RHOBTB1: variants seen among roughly 807,000 people sequenced by gnomAD.
RHOBTB1 encodes the protein Rho related BTB domain containing 1.
Under a neutral mutation model 71.6 loss-of-function variants are expected in RHOBTB1, and 40 were observed. That is an observed-to-expected ratio of 0.56 (90% CI 0.43 to 0.73). The LOEUF (loss-of-function observed/expected upper bound fraction) is 0.73, where lower values mean the gene tolerates loss of function less well. Ranked by LOEUF, RHOBTB1 falls within the 30% of genes least tolerant of loss-of-function variation. The pLI is 0.00. For synonymous variants in RHOBTB1, 319 were observed against 334.9 expected (o/e 0.95, Z 0.52); for missense variants, 797 against 894.0 (o/e 0.89, Z 1.38).
intron 8 of RHOBTB1, chr10:60,877,264 T>C (rs1029954339): frequency 2.0e-5 from 3 of 152,258 alleles, no homozygotes; most frequent in Admixed American, 2.0e-4. Flanking sequence ...CTTGACAATG[T>C]CAGAACATTT....
chr10:60,985,266 G>A lies in RHOBTB1; in HGVS notation c.-62+579C>T, dbSNP rs142757231. On this transcript the variant is annotated intron_variant, in intron 2 of 11. Coordinates refer to the RHOBTB1 transcript ENST00000357917. ...AACTGTCCATTTCAAATAATTCTAC[G>A]TTTTTTAGGCACAATACTCTGGGGA... Among the ~76,000 whole-genome samples the A allele has an allele frequency of 1.2e-4, 19 of 152,190 alleles. No individual in the cohort carries two copies. The East Asian group carries it at 2.3e-3, about 19-fold the overall frequency.
chr10:60,910,788 G>A, intron 4 of RHOBTB1, 99 bp downstream of exon 4: 1 of 803,826 alleles, frequency 1.2e-6, no homozygotes, highest in South Asian at 1.5e-5. Context: ...CACATTTCAA[G>A]GCCATATGAT....
chr10:60,983,710 G>C (rs939489515), intron 2 of RHOBTB1, among the ~76,000 whole-genome samples: 1 of 152,158 alleles, frequency 6.6e-6, no homozygotes, highest in Non-Finnish European at 1.5e-5. Context: ...CCTAAAGATA[G>C]TTTAGTATGG....
chr10:60,944,588 C>A (rs1215525568), upstream of RHOBTB1, among the ~76,000 whole-genome samples: 2 of 152,190 alleles, frequency 1.3e-5, no homozygotes, highest in Non-Finnish European at 2.9e-5. Flanking sequence ...ACATCCCACC[C>A]ACTCCCGTGC....
At chr10:60,927,376 G>C (rs961123670) in intron 2 of RHOBTB1, among the ~76,000 whole-genome samples, 1 of 152,080 alleles carries the variant, frequency 6.6e-6, no homozygotes, top group African/African-American at 2.4e-5. Context: ...CTTCAATCCA[G>C]TCAAGTTGAC....
chr10:60,990,247 T>A (rs1386333019), intron 1 of RHOBTB1, among the ~76,000 whole-genome samples: 1 of 152,014 alleles, frequency 6.6e-6, no homozygotes, highest in Non-Finnish European at 1.5e-5. Context: ...CCTCCCAAAG[T>A]GCTGGGATTA....
intron 2 of RHOBTB1, among the ~76,000 whole-genome samples, chr10:60,958,528 A>C (rs1019108398): frequency 5.9e-5 from 9 of 152,082 alleles, no homozygotes; most frequent in African/African-American, 2.2e-4. Flanking sequence ...TTTTCAGGAG[A>C]ATCTCACAAA....
chr10:60,897,572 T>G (rs986911414), intron 4 of RHOBTB1, among the ~76,000 whole-genome samples: 2 of 152,210 alleles, frequency 1.3e-5, no homozygotes. Context: ...AGAAGGACAG[T>G]GGACTCCACC....
At chr10:60,929,173 G>A (rs1424133000) in intron 2 of RHOBTB1, among the ~76,000 whole-genome samples, 1 of 152,124 alleles carries the variant, frequency 6.6e-6, no homozygotes, top group Non-Finnish European at 1.5e-5. Context: ...AATTGGATAT[G>A]AGATTTGGGT....
chr10:60,934,130 T>C (rs2084426573), intron 2 of RHOBTB1, among the ~76,000 whole-genome samples: 1 of 152,122 alleles, frequency 6.6e-6, no homozygotes. Flanking sequence ...AACAAGGAAA[T>C]AAAATATCTT....
At chr10:60,916,744 A>AT (rs2083287532) in intron 2 of RHOBTB1, among the ~76,000 whole-genome samples, 1 of 152,212 alleles carries the variant, frequency 6.6e-6, no homozygotes, top group Non-Finnish European at 1.5e-5. Flanking sequence ...GAACTTGTGA[A>AT]TATGTTCCAT....
chr10:60,880,202 T>A (rs7478290), intron 7 of RHOBTB1, among the ~76,000 whole-genome samples: 1,451 of 126,904 alleles, frequency 0.011, 30 homozygotes, highest in African/African-American at 0.032. Flanking sequence ...TGTGTGTGTG[T>A]GAGAGAGAGA....
intron 2 of RHOBTB1, among the ~76,000 whole-genome samples, chr10:60,927,784 ACT>A (rs1375963853): frequency 2.0e-5 from 3 of 152,150 alleles, no homozygotes; most frequent in African/African-American, 7.2e-5. Context: ...TTGAGGAAAC[ACT>A]CTAGGACATT....
At chr10:60,890,938 C>T (rs538344021) in intron 5 of RHOBTB1, among the ~76,000 whole-genome samples, 1 of 152,316 alleles carries the variant, frequency 6.6e-6, no homozygotes, top group African/African-American at 2.4e-5. Context: ...CTTAGAATTG[C>T]TCTGTAGAAG....
chr10:60,902,092 C>T (rs540071631), intron 4 of RHOBTB1, among the ~76,000 whole-genome samples: 3 of 152,308 alleles, frequency 2.0e-5, no homozygotes, highest in East Asian at 3.9e-4. Context: ...CATAGGAATC[C>T]CAGCTCTTCT....
intron 2 of RHOBTB1, among the ~76,000 whole-genome samples, chr10:60,981,271 T>C (rs1287562652): frequency 6.6e-6 from 1 of 152,174 alleles, no homozygotes; most frequent in Non-Finnish European, 1.5e-5. Flanking sequence ...GTCCCCAGAA[T>C]TACTTTAGGG....
chr10:60,937,755 CA>C (rs746876153), intron 2 of RHOBTB1, among the ~76,000 whole-genome samples: 1 of 152,328 alleles, frequency 6.6e-6, no homozygotes, highest in African/African-American at 2.4e-5. Context: ...TTCCTATAAC[CA>C]TTCCTTAAAA....
chr10:60,961,888 A>C (rs2085793758), intron 2 of RHOBTB1, among the ~76,000 whole-genome samples: 1 of 149,968 alleles, frequency 6.7e-6, no homozygotes. Context: ...GGCTCACTGC[A>C]ACCTCCGCTC....
intron 6 of RHOBTB1, among the ~76,000 whole-genome samples, chr10:60,886,727 TG>T (rs34693835): frequency 0.24 from 34,081 of 142,506 alleles, 4,246 homozygotes; most frequent in East Asian, 0.5. Context: ...TGGGGGGGGG[TG>T]GGTCTGGCTA....
Sources: gnomAD v4.1 joint callset for allele counts (sites outside exome capture counted in the v4.1 genomes callset) on GRCh38, gnomAD v4.1.1 for gene constraint, MANE v1.5 for transcripts, NCBI Gene and HGNC (gene_info 2026-07-23, HGNC 2026-07-21) for gene names.